NF2: variants seen among roughly 807,000 people sequenced by gnomAD.
The protein encoded by NF2 is merlin.
Under a neutral mutation model 83.7 loss-of-function variants are expected in NF2, and 8 were observed. That is an observed-to-expected ratio of 0.10 (90% CI 0.06 to 0.17). The LOEUF (loss-of-function observed/expected upper bound fraction) is 0.17. Among genes scored for constraint, NF2 ranks in the 10% least tolerant of loss-of-function variants. The pLI, the probability that NF2 is intolerant of heterozygous loss-of-function variation, is 1.00. For synonymous variants in NF2, 266 were observed against 269.6 expected, an observed-to-expected ratio of 0.99 and a Z score of 0.13; for missense variants, 533 against 744.4, an observed-to-expected ratio of 0.72 and a Z score of 3.31.
Position 29,678,332 on chromosome 22 carries a change from C to G in NF2, c.1574+9C>G, listed in dbSNP as rs748497894. ...GAGATAGAGAAAGAAAAGTATGTAG[C>G]CCCCTGTGCCCTGCTGTGGGCAGCT... On this transcript the variant is annotated intron_variant, in intron 14 of 15. Coordinates refer to ENST00000338641, the MANE Select transcript of NF2 (RefSeq NM_000268.4). 1 of 1,612,496 alleles carries G rather than the reference C, an allele frequency of 6.2e-7. No homozygotes were observed. Among genetic ancestry groups the G allele is most frequent in the Admixed American group, 1.7e-5 (1 of 59,956 alleles).
Position 29,603,785 on chromosome 22 carries a change from G to T in NF2, c.-214G>T, listed in dbSNP as rs2064704463. 7.2e-6 allele frequency: 4 copies of T among 555,596 alleles called. No homozygotes were observed. The highest frequency in any genetic ancestry group is 3.2e-6 in the Non-Finnish European group (1 of 317,022). The allele number at this position is 555,596 out of a possible 1,614,324, so 34.4% of individuals were successfully genotyped here. A position where few individuals can be genotyped will look rare whatever the true frequency, so the allele number is the denominator to read the frequency against. ...TCCCGGCTCCTGTGCCCTCCCTGCA[G>T]CCGTCAGGGCCCGTCCCCCAACTCC... On this transcript the variant is annotated 5_prime_UTR_variant, in exon 1 of 16. Coordinates refer to ENST00000338641, the MANE Select transcript of NF2 (RefSeq NM_000268.4).
At chr22:29,621,501 T>C (rs1020392041) in intron 1 of NF2, among the ~76,000 whole-genome samples, 1 of 151,896 alleles carries the variant, frequency 6.6e-6, no homozygotes. Flanking sequence ...ACCCTATCTC[T>C]ACAAAAAATA....
Position 29,619,386 on chromosome 22 carries a change from T to TG in NF2, c.114+15274_114+15275insG, listed in dbSNP as rs1555982228. Among the ~76,000 whole-genome samples, 12 of 148,718 alleles carry TG rather than the reference T, an allele frequency of 8.1e-5. No homozygotes were observed. In the South Asian group the frequency reaches 1.7e-3, roughly 21 times the overall value. On this transcript the variant is annotated intron_variant, in intron 1 of 15. Transcript: ENST00000338641. ...ACCGCTGTGCTCTCCCATGGGTTTT[T>TG]TTTGTTTGTTTGTTTGTTTGTTTGT...
At chr22:29,605,211 G>A (rs1190000791) in intron 1 of NF2, among the ~76,000 whole-genome samples, 1 of 149,366 alleles carries the variant, frequency 6.7e-6, no homozygotes, top group Non-Finnish European at 1.5e-5. Flanking sequence ...AGTGCACCGG[G>A]CTAGAGTGCA....
intron 4 of NF2, among the ~76,000 whole-genome samples, chr22:29,653,173 C>T (rs959342110): frequency 1.3e-5 from 2 of 152,112 alleles, no homozygotes; most frequent in South Asian, 2.1e-4. Flanking sequence ...AGGCCAGGCG[C>T]GGTGGCTGAC....
At position 29,668,362 on chromosome 22, in the gene NF2, T is replaced by C. The variant is rs1601636823; in HGVS notation, c.915T>C (p.Asp305=). The C allele has an allele frequency of 1.2e-6, 2 of 1,613,894 alleles. No individual in the cohort carries two copies. The highest frequency in any genetic ancestry group is 1.3e-5 in the African/African-American group (1 of 75,032). Residue 305 remains aspartate (D), a synonymous_variant, in exon 10 of 16, where the codon GAT becomes GAC. Coordinates refer to ENST00000338641, the MANE Select transcript of NF2 (RefSeq NM_000268.4). ...LILQLCIGNH[D]LFMRRRKADS... ...TCCAGCTATGTATCGGGAACCATGATCTATTTATGAGGAGAAGGAAAGCCG... is the reference window on the plus strand; with the variant it reads ...TCCAGCTATGTATCGGGAACCATGACCTATTTATGAGGAGAAGGAAAGCCG...
intron 1 of NF2, among the ~76,000 whole-genome samples, chr22:29,635,351 A>G (rs888309040): frequency 6.6e-6 from 1 of 152,068 alleles, no homozygotes; most frequent in Non-Finnish European, 1.5e-5. Flanking sequence ...TTTGTTTGAG[A>G]TGGAGTCTTG....
intron 2 of NF2, among the ~76,000 whole-genome samples, chr22:29,637,745 C>T (rs2065686754): frequency 6.6e-6 from 1 of 151,484 alleles, no homozygotes; most frequent in Non-Finnish European, 1.5e-5. Context: ...ATTGTGTTCA[C>T]ATATGTACAC....
At chr22:29,667,144 T>G (rs868444673) in intron 9 of NF2, among the ~76,000 whole-genome samples, 1 of 152,212 alleles carries the variant, frequency 6.6e-6, no homozygotes, top group African/African-American at 2.4e-5. Context: ...GGGTGAAGTT[T>G]GTTTTTTGCT....
intron 1 of NF2, among the ~76,000 whole-genome samples, chr22:29,606,938 G>C (rs189851498): frequency 9.9e-5 from 15 of 152,242 alleles, no homozygotes; most frequent in Admixed American, 9.2e-4. Flanking sequence ...CCAGCTACTT[G>C]GGAGGCTGAA....
rs370828766 is a variant in NF2 at position 29,644,325 on chromosome 22, C to T, written c.447+2040C>T. On this transcript the variant is annotated intron_variant, in intron 4 of 15. Transcript: ENST00000338641. ...CGCTCCCCACATCCCAGACGATGGG[C>T]GGCCGGGCAGAGACGCTCCTCACTT... Among the ~76,000 whole-genome samples the T allele has an allele frequency of 2.1e-3, 301 of 144,416 alleles. 2 individuals carry two copies. In the East Asian group the frequency reaches 0.036, roughly 17 times the overall value. 94.7% of individuals were successfully genotyped at this position (144,416 alleles called of 152,430 possible).
At chr22:29,641,508 G>GA (rs759131133) in intron 3 of NF2, among the ~76,000 whole-genome samples, 56 of 152,304 alleles carry the variant, frequency 3.7e-4, no homozygotes, top group Non-Finnish European at 7.5e-4. Flanking sequence ...ACATCTGTGA[G>GA]AGGAGAGCTG....
At chr22:29,665,212 A>G (rs2066585494) in intron 9 of NF2, 148 bp downstream of exon 9, 5 of 708,172 alleles carry the variant, frequency 7.1e-6, no homozygotes, top group Non-Finnish European at 1.2e-5. Context: ...TTAAAGAGTT[A>G]AAACTAAATT....
chr22:29,656,691 C>T (rs1826597944), intron 6 of NF2, among the ~76,000 whole-genome samples: 1 of 152,124 alleles, frequency 6.6e-6, no homozygotes, highest in African/African-American at 2.4e-5. Flanking sequence ...GGATTACAGG[C>T]ATGAGCCACC....
chr22:29,644,168 G>C (rs998600506), intron 4 of NF2, among the ~76,000 whole-genome samples: 2 of 151,226 alleles, frequency 1.3e-5, no homozygotes, highest in Non-Finnish European at 2.9e-5. Context: ...CACAGACGGG[G>C]CGGTTGCCAG....
At chr22:29,662,083 CCATT>C (rs1214159020) in intron 8 of NF2, among the ~76,000 whole-genome samples, 3 of 152,162 alleles carry the variant, frequency 2.0e-5, no homozygotes, top group Non-Finnish European at 4.4e-5. Flanking sequence ...ACTCATCCAT[CCATT>C]CATTCATTCA....
intron 15 of NF2, chr22:29,683,552 T>C: frequency 4.5e-6 from 5 of 1,113,220 alleles, no homozygotes; most frequent in Non-Finnish European, 5.5e-6. Context: ...AAGGGTTGCT[T>C]GTGCTGGCTC....
intron 15 of NF2, among the ~76,000 whole-genome samples, chr22:29,689,645 G>A (rs1396019230): frequency 9.3e-4 from 141 of 152,256 alleles, no homozygotes; most frequent in Non-Finnish European, 3.1e-4. Flanking sequence ...CCCCTGGGAT[G>A]AGTGGATTGA....
intron 15 of NF2, among the ~76,000 whole-genome samples, chr22:29,685,874 A>G (rs771211626): frequency 1.3e-5 from 2 of 151,924 alleles, no homozygotes; most frequent in Non-Finnish European, 2.9e-5. Context: ...AGGAATGCTG[A>G]GCGGCCATCC....
Sources: allele counts gnomAD v4.1 joint callset (sites outside exome capture counted in the v4.1 genomes callset), GRCh38; gene constraint gnomAD v4.1.1; transcripts MANE v1.5; gene names NCBI Gene and HGNC (gene_info 2026-07-23, HGNC 2026-07-21).